KYNU: variants seen among roughly 807,000 people sequenced by gnomAD.
KYNU encodes the protein L-kynurenine hydrolase.
Under a neutral mutation model 59.2 loss-of-function variants are expected in KYNU, and 54 were observed. That is an observed-to-expected ratio of 0.91 (90% CI 0.73 to 1.14). The LOEUF is 1.14. KYNU is among the 50% of genes most tolerant of loss of function. The pLI, the probability that KYNU is intolerant of heterozygous loss-of-function variation, is 0.00. For synonymous variants in KYNU, 177 were observed against 192.0 expected, an observed-to-expected ratio of 0.92 and a Z score of 0.65; for missense variants, 567 against 554.4, an observed-to-expected ratio of 1.02 and a Z score of -0.23.
At position 143,047,949 on chromosome 2, in the gene KYNU, A is replaced by G. The variant is rs1573928859; in HGVS notation, c.*5777A>G. 2.1e-5 allele frequency: 2 copies of G among 93,268 alleles called. No homozygotes were observed. Among genetic ancestry groups the G allele is most frequent in the African/African-American group, 3.9e-5 (1 of 25,478 alleles). 5.8% of individuals were successfully genotyped at this position (93,268 alleles called of 1,614,324 possible). A position where few individuals can be genotyped will look rare whatever the true frequency, so the allele number is the denominator to read the frequency against. ...TCTCAGCTCACTGCGGGTTCAAGCA[A>G]TTTTCATGCCTCAGCCTCCCAAGTA... On this transcript the variant is annotated 3_prime_UTR_variant, in exon 14 of 14. Coordinates refer to ENST00000264170, the MANE Select transcript of KYNU (RefSeq NM_003937.3).
At chr2:142,916,710 T>A (rs34035427) in intron 2 of KYNU, among the ~76,000 whole-genome samples, 8,813 of 152,062 alleles carry the variant, frequency 0.058, 386 homozygotes, top group Admixed American at 0.099. Flanking sequence ...TCTAATAAGA[T>A]CAGGCTAAAT....
chr2:142,952,401 G>A (rs1684021005), intron 4 of KYNU, among the ~76,000 whole-genome samples: 1 of 151,708 alleles, frequency 6.6e-6, no homozygotes, highest in African/African-American at 2.4e-5. Flanking sequence ...CTTTTTATTT[G>A]TTTTTGTTTG....
At chr2:142,946,550 C>T (rs351692) in intron 4 of KYNU, among the ~76,000 whole-genome samples, 43,431 of 152,014 alleles carry the variant, frequency 0.29, 10,059 homozygotes, top group African/African-American at 0.62. Flanking sequence ...GAAAATATTT[C>T]TTTTTCTGAG....
chr2:143,004,653 A>G (rs1163173745), intron 10 of KYNU, among the ~76,000 whole-genome samples: 3 of 152,174 alleles, frequency 2.0e-5, no homozygotes, highest in Non-Finnish European at 4.4e-5. Flanking sequence ...GTGAGCCAAG[A>G]TGGCACCACT....
intron 10 of KYNU, among the ~76,000 whole-genome samples, chr2:143,015,694 A>G (rs1686228364): frequency 6.6e-6 from 1 of 151,994 alleles, no homozygotes. Context: ...TGCATTAGAT[A>G]GGATCAGTGA....
intron 8 of KYNU, among the ~76,000 whole-genome samples, chr2:142,962,774 G>C (rs1271168345): frequency 6.6e-6 from 1 of 152,156 alleles, no homozygotes; most frequent in South Asian, 2.1e-4. Context: ...CCATTATCAA[G>C]ATTATTCTAA....
intron 7 of KYNU, among the ~76,000 whole-genome samples, chr2:142,960,337 T>C (rs910901829): frequency 7.2e-5 from 11 of 152,202 alleles, no homozygotes; most frequent in African/African-American, 2.7e-4. Flanking sequence ...AACTTATAGC[T>C]GTGGAAAGAG....
chr2:143,035,205 T>A (rs1487612916), intron 12 of KYNU, among the ~76,000 whole-genome samples: 1 of 152,218 alleles, frequency 6.6e-6, no homozygotes, highest in Non-Finnish European at 1.5e-5. Flanking sequence ...ATTTTTGTAG[T>A]TTTTTGTACA....
At chr2:142,913,415 A>AT (rs1012626391) in intron 2 of KYNU, among the ~76,000 whole-genome samples, 14 of 151,552 alleles carry the variant, frequency 9.2e-5, no homozygotes, top group South Asian at 4.2e-4. Flanking sequence ...TTTATTTCAA[A>AT]TTTTTTTTTG....
intron 3 of KYNU, among the ~76,000 whole-genome samples, chr2:142,923,870 A>C (rs1682965697): frequency 6.6e-6 from 1 of 152,182 alleles, no homozygotes; most frequent in South Asian, 2.1e-4. Flanking sequence ...CTTTGAATTA[A>C]ATATCAGGAA....
intron 8 of KYNU, among the ~76,000 whole-genome samples, chr2:142,974,011 C>A (rs1240071361): frequency 3.3e-5 from 5 of 152,218 alleles, no homozygotes; most frequent in Non-Finnish European, 7.3e-5. Context: ...ATTCGTTTAG[C>A]TTTAAAGTTG....
intron 10 of KYNU, among the ~76,000 whole-genome samples, chr2:143,026,529 G>A (rs1373839516): frequency 1.3e-5 from 2 of 152,208 alleles, no homozygotes; most frequent in African/African-American, 2.4e-5. Context: ...GCCACTTGGC[G>A]CTGGTAGGAC....
intron 8 of KYNU, among the ~76,000 whole-genome samples, chr2:142,975,922 C>T (rs1343785111): frequency 1.3e-5 from 2 of 152,108 alleles, no homozygotes; most frequent in Non-Finnish European, 2.9e-5. Context: ...ACACTTTTCT[C>T]ATGATACCCA....
chr2:142,922,441 G>A (rs1172969035), intron 3 of KYNU, among the ~76,000 whole-genome samples: 2 of 152,142 alleles, frequency 1.3e-5, no homozygotes, highest in Non-Finnish European at 2.9e-5. Flanking sequence ...GAATGTGGGG[G>A]TTTGCAGTGA....
chr2:142,927,868 A>C, intron 4 of KYNU, 127 bp downstream of exon 4: 1 of 686,598 alleles, frequency 1.5e-6, no homozygotes, highest in South Asian at 1.8e-5. Flanking sequence ...AATCTATAAT[A>C]GTAAAAAGGA....
chr2:142,882,729 T>C (rs1451601574), intron 1 of KYNU, among the ~76,000 whole-genome samples: 1 of 152,236 alleles, frequency 6.6e-6, no homozygotes, highest in East Asian at 1.9e-4. Flanking sequence ...CAGTCTATCA[T>C]TGATGGACAT....
intron 10 of KYNU, among the ~76,000 whole-genome samples, chr2:143,026,161 T>C (rs964145547): frequency 6.6e-6 from 1 of 152,198 alleles, no homozygotes; most frequent in Non-Finnish European, 1.5e-5. Flanking sequence ...TGCATACATG[T>C]TATTGTTTTA....
intron 2 of KYNU, among the ~76,000 whole-genome samples, chr2:142,902,521 C>A (rs914334341): frequency 3.3e-5 from 5 of 152,100 alleles, no homozygotes; most frequent in African/African-American, 4.8e-5. Flanking sequence ...TGCCAAGGAA[C>A]CTTTTATTTG....
At chr2:142,974,369 A>G (rs1286861015) in intron 8 of KYNU, among the ~76,000 whole-genome samples, 2 of 152,250 alleles carry the variant, frequency 1.3e-5, no homozygotes, top group Admixed American at 1.3e-4. Flanking sequence ...ACATAAAATA[A>G]GGTGAACGTA....
Sources: gnomAD v4.1 joint callset for allele counts (sites outside exome capture counted in the v4.1 genomes callset) on GRCh38, gnomAD v4.1.1 for gene constraint, MANE v1.5 for transcripts, NCBI Gene and HGNC (gene_info 2026-07-23, HGNC 2026-07-21) for gene names.